The following ST3GAL6 variants were observed in gnomAD, a reference collection of about 807,000 sequenced individuals.
The protein encoded by ST3GAL6 is type 2 lactosamine alpha-2,3-sialyltransferase.
ST3GAL6 carries 31 observed loss-of-function variants against 40.5 expected under a neutral mutation model. The ratio of observed to expected loss-of-function variants is 0.77; its 90% CI spans 0.58 to 1.03. ST3GAL6 has a LOEUF of 1.03. Ranked by LOEUF, ST3GAL6 falls within the 50% of genes least tolerant of loss-of-function variation. ST3GAL6 has a pLI of 0.00. For missense variants in ST3GAL6, 357 were observed against 393.2 expected, an observed-to-expected ratio of 0.91 and a Z score of 0.78; for synonymous variants, 129 against 136.9, an observed-to-expected ratio of 0.94 and a Z score of 0.40.
intron 1 of ST3GAL6, among the ~76,000 whole-genome samples, chr3:98,741,969 T>C (rs1009053702): frequency 6.6e-6 from 1 of 152,206 alleles, no homozygotes; most frequent in African/African-American, 2.4e-5. Flanking sequence ...AGACATCCAA[T>C]GAGAAGAGTC....
rs192359268 is a variant in ST3GAL6 at position 98,775,363 on chromosome 3, C to T, written c.335+1380C>T. ...TGATGGCGCATGCCTGTAGTCCCAG[C>T]TACTTGGGAGGCTGAGGCAGGAGAA... On this transcript the variant is annotated intron_variant, in intron 5 of 9. Transcript: ENST00000483910. Among the ~76,000 whole-genome samples, 154 of 151,960 alleles carry T rather than the reference C, an allele frequency of 1.0e-3. 1 individual carries two copies. The highest frequency in any genetic ancestry group is 2.3e-3 in the South Asian group (11 of 4,806).
intron 1 of ST3GAL6, among the ~76,000 whole-genome samples, chr3:98,755,801 A>AT (rs1409353818): frequency 8.7e-6 from 1 of 114,762 alleles, no homozygotes; most frequent in Non-Finnish European, 1.9e-5. Flanking sequence ...GAGGTTTGAG[A>AT]TTTTTTTCAT....
rs556628410 is a variant in ST3GAL6 at position 98,791,966 on chromosome 3, G to A, written c.882G>A (p.Gly294=). 9.9e-6 allele frequency: 16 copies of A among 1,613,578 alleles called. No individual in the cohort carries two copies. The South Asian group carries it at 1.6e-4, about 17-fold the overall frequency. ...TCAAGAGTCCTTTGCACTACTATGG[G>A]AATGCCACCATGTCTTTGATGAATA... ...SDLKSPLHYY[G]NATMSLMNKN... The change falls in exon 9 of 10, where the codon GGG becomes GGA. Residue 294 remains glycine, a synonymous_variant. Coordinates refer to ENST00000483910, the MANE Select transcript of ST3GAL6 (RefSeq NM_001323368.2).
chr3:98,771,172 C>A, intron 3 of ST3GAL6: 1 of 1,472,558 alleles, frequency 6.8e-7, no homozygotes, highest in Non-Finnish European at 9.0e-7. Flanking sequence ...TCAATCAAAC[C>A]AGTATTCTTT....
Position 98,792,091 on chromosome 3 carries a change from G to A in ST3GAL6, c.909+98G>A, listed in dbSNP as rs768498729. 878 of 1,237,810 alleles carry A rather than the reference G, an allele frequency of 7.1e-4. 7 individuals are homozygous for A. The highest frequency in any genetic ancestry group is 1.3e-4 in the Non-Finnish European group (120 of 928,542). 76.7% of individuals were successfully genotyped at this position (1,237,810 alleles called of 1,614,324 possible). A position where few individuals can be genotyped will look rare whatever the true frequency, so the allele number is the denominator to read the frequency against. On this transcript the variant is annotated intron_variant, in intron 9 of 9. Coordinates refer to ENST00000483910, the MANE Select transcript of ST3GAL6 (RefSeq NM_001323368.2). ...CTCTTCTCACACTCATTTTACTGAG[G>A]GACCACGTTTTGAAGGGTTGAGGGC...
Position 98,768,524 on chromosome 3 carries a change from C to G in ST3GAL6, c.84C>G (p.Val28=). Residue 28 remains valine (V), a synonymous_variant, in exon 2 of 10, where the codon GTC becomes GTG. Coordinates refer to ENST00000483910, the MANE Select transcript of ST3GAL6 (RefSeq NM_001323368.2). Reference sequence around the variant, plus strand: ...ATTGCATATTATGGGGAACGAATGTCTATTGGTAAGTTTCATTTTGTTATT... The same window carrying G: ...ATTGCATATTATGGGGAACGAATGTGTATTGGTAAGTTTCATTTTGTTATT... ...VLHCILWGTN[V]YWVAPVEMKR... 1 of 1,606,340 alleles carries G rather than the reference C, an allele frequency of 6.2e-7. No homozygotes were observed. The highest frequency in any genetic ancestry group is 8.5e-7 in the Non-Finnish European group (1 of 1,173,642).
intron 8 of ST3GAL6, among the ~76,000 whole-genome samples, chr3:98,791,112 G>C (rs776619732): frequency 6.6e-6 from 1 of 152,104 alleles, no homozygotes; most frequent in East Asian, 1.9e-4. Context: ...CGCTTTGAAG[G>C]CCATCTCAGT....
At chr3:98,775,481 A>G (rs180856361) in intron 5 of ST3GAL6, among the ~76,000 whole-genome samples, 1 of 151,912 alleles carries the variant, frequency 6.6e-6, no homozygotes, top group Non-Finnish European at 1.5e-5. Context: ...TCTCAAAAAA[A>G]AAAAAAAAAG....
chr3:98,763,578 G>A, intron 1 of ST3GAL6, 139 bp downstream of exon 1: 1 of 752,730 alleles, frequency 1.3e-6, no homozygotes, highest in African/African-American at 1.8e-5. Flanking sequence ...GCACAAAGAT[G>A]TGAGTTACTG....
chr3:98,780,707 G>A (rs558631321), intron 5 of ST3GAL6, among the ~76,000 whole-genome samples: 1 of 152,300 alleles, frequency 6.6e-6, no homozygotes, highest in Non-Finnish European at 1.5e-5. Flanking sequence ...GTATGTGGGT[G>A]GAGGTCCAGG....
At chr3:98,773,856 G>A in intron 4 of ST3GAL6, 64 bp from the exon 5 acceptor site, 1 of 1,333,808 alleles carries the variant, frequency 7.5e-7, no homozygotes, top group Non-Finnish European at 1.1e-6. Context: ...GGAGTAAGGT[G>A]GTTTACTAAG....
intron 1 of ST3GAL6, among the ~76,000 whole-genome samples, chr3:98,737,392 T>G (rs367694755): frequency 6.6e-6 from 1 of 152,100 alleles, no homozygotes; most frequent in Non-Finnish European, 1.5e-5. Context: ...CTCACACACA[T>G]AAACACACAA....
chr3:98,772,659 A>G (rs917843837), intron 3 of ST3GAL6, among the ~76,000 whole-genome samples, 154 bp from the exon 4 acceptor site: 1 of 152,160 alleles, frequency 6.6e-6, no homozygotes, highest in Non-Finnish European at 1.5e-5. Flanking sequence ...AGCACGGTTT[A>G]AAGTTATTTT....
chr3:98,732,933 G>C, intron 1 of ST3GAL6: 3 of 1,511,864 alleles, frequency 2.0e-6, no homozygotes, highest in Non-Finnish European at 2.6e-6. Context: ...GGAGCCCGGT[G>C]CGCCTCTGCG....
intron 1 of ST3GAL6, among the ~76,000 whole-genome samples, chr3:98,757,081 A>C (rs1937477769): frequency 6.6e-6 from 1 of 152,210 alleles, no homozygotes; most frequent in Non-Finnish European, 1.5e-5. Context: ...CAGATTTCAG[A>C]CATCAATGTA....
intron 1 of ST3GAL6, among the ~76,000 whole-genome samples, chr3:98,743,275 C>T (rs1936272107): frequency 6.6e-6 from 1 of 152,024 alleles, no homozygotes; most frequent in Non-Finnish European, 1.5e-5. Flanking sequence ...TCAACCTTGG[C>T]CTCGCAAAGT....
chr3:98,776,320 A>G (rs920034185), intron 5 of ST3GAL6, among the ~76,000 whole-genome samples: 1 of 152,234 alleles, frequency 6.6e-6, no homozygotes, highest in African/African-American at 2.4e-5. Context: ...CTCTGAGTCA[A>G]CTTAGTTCCT....
intron 9 of ST3GAL6, among the ~76,000 whole-genome samples, chr3:98,793,133 T>C (rs971127103): frequency 6.6e-6 from 1 of 152,198 alleles, no homozygotes; most frequent in African/African-American, 2.4e-5. Flanking sequence ...CAACAGACTT[T>C]GGATTAGGCT....
chr3:98,751,275 T>G (rs1357830169), intron 1 of ST3GAL6, among the ~76,000 whole-genome samples: 1 of 152,246 alleles, frequency 6.6e-6, no homozygotes, highest in East Asian at 1.9e-4. Flanking sequence ...TAATAAGTAA[T>G]AGTGGATAGA....
Sources: gnomAD v4.1 joint callset for allele counts (sites outside exome capture counted in the v4.1 genomes callset) on GRCh38, gnomAD v4.1.1 for gene constraint, MANE v1.5 for transcripts, NCBI Gene and HGNC (gene_info 2026-07-23, HGNC 2026-07-21) for gene names.